PPP3CB: variants seen among roughly 807,000 people sequenced by gnomAD.
PPP3CB encodes the protein serine/threonine-protein phosphatase 2B catalytic subunit beta isoform.
PPP3CB carries 8 observed loss-of-function variants against 66.4 expected under a neutral mutation model. The ratio of observed to expected loss-of-function variants is 0.12; its 90% CI spans 0.07 to 0.22. The LOEUF is 0.22. PPP3CB is among the 10% of genes least tolerant of loss of function. PPP3CB has a pLI of 1.00. For missense variants in PPP3CB, 319 were observed against 642.5 expected, an observed-to-expected ratio of 0.50 and a Z score of 5.44; for synonymous variants, 208 against 221.2, an observed-to-expected ratio of 0.94 and a Z score of 0.53.
intron 12 of PPP3CB, 21 bp downstream of exon 12, chr10:73,444,704 C>G: frequency 4.3e-6 from 7 of 1,614,054 alleles, no homozygotes; most frequent in Non-Finnish European, 5.9e-6. Flanking sequence ...TGAGGCACAG[C>G]AAGTTGCATA....
intron 12 of PPP3CB, among the ~76,000 whole-genome samples, chr10:73,440,109 G>A (rs1308237117): frequency 6.6e-6 from 1 of 152,108 alleles, no homozygotes; most frequent in Non-Finnish European, 1.5e-5. Flanking sequence ...ACAGCACTAT[G>A]ACAACATCAC....
At chr10:73,443,334 G>A (rs926116935) in intron 12 of PPP3CB, among the ~76,000 whole-genome samples, 19 of 120,096 alleles carry the variant, frequency 1.6e-4, no homozygotes, top group Admixed American at 1.3e-3. Flanking sequence ...GAAAGAAAAA[G>A]AAAGAGAAGA....
chr10:73,464,501 A>AT (rs1266547534), intron 9 of PPP3CB, among the ~76,000 whole-genome samples: 5 of 152,242 alleles, frequency 3.3e-5, no homozygotes, highest in African/African-American at 9.6e-5. Context: ...AGGAGGGCCA[A>AT]TAAGTGTGAA....
intron 13 of PPP3CB, among the ~76,000 whole-genome samples, chr10:73,439,043 TAGA>T (rs1254142951): frequency 2.0e-5 from 3 of 152,256 alleles, no homozygotes; most frequent in African/African-American, 7.2e-5. Context: ...TCTCGTAATT[TAGA>T]AGATGTTCTC....
rs1269802278 is a variant in PPP3CB at position 73,436,656 on chromosome 10, A to G, written c.*1586T>C. The G allele has an allele frequency of 2.6e-5, 4 of 152,136 alleles. No homozygotes were observed. Among genetic ancestry groups the G allele is most frequent in the Non-Finnish European group, 4.4e-5 (3 of 68,030 alleles). 9.4% of individuals were successfully genotyped at this position (152,136 alleles called of 1,614,324 possible). A position where few individuals can be genotyped will look rare whatever the true frequency, so the allele number is the denominator to read the frequency against. On this transcript the variant is annotated 3_prime_UTR_variant, in exon 14 of 14. Coordinates refer to ENST00000360663, the MANE Select transcript of PPP3CB (RefSeq NM_021132.4). ...ATAACAAAAGTTTTTTTTAAGGCAAAATTTATAAAGAATTTAATTAATCAA... is the reference window on the plus strand; with the variant it reads ...ATAACAAAAGTTTTTTTTAAGGCAAGATTTATAAAGAATTTAATTAATCAA...
rs184146900 is a variant in PPP3CB at position 73,490,684 on chromosome 10, C to A, written c.85+5121G>T. 8.7e-3 allele frequency among the ~76,000 whole-genome samples: 1,325 copies of A among 152,234 alleles called. 13 individuals carry two copies. Among genetic ancestry groups the A allele is most frequent in the Non-Finnish European group, 0.016 (1,058 of 68,020 alleles). ...TTGCCTCACTACTAAGCTGTATTTCCAACTTGGCATTTTCCTTTTAAGGTA... is the reference window on the plus strand; with the variant it reads ...TTGCCTCACTACTAAGCTGTATTTCAAACTTGGCATTTTCCTTTTAAGGTA... On this transcript the variant is annotated intron_variant, in intron 1 of 13. Coordinates refer to ENST00000360663, the MANE Select transcript of PPP3CB (RefSeq NM_021132.4).
intron 1 of PPP3CB, among the ~76,000 whole-genome samples, chr10:73,490,834 ATTTATT>A (rs1222405407): frequency 6.6e-6 from 1 of 150,660 alleles, no homozygotes; most frequent in Non-Finnish European, 1.5e-5. Flanking sequence ...TATTTTATTT[ATTTATT>A]TTTATTTATT....
In PPP3CB at chr10:73,474,599, A is replaced by AT. The variant is rs879334120; in HGVS notation, c.523+319dup. 4.6e-3 allele frequency among the ~76,000 whole-genome samples: 656 copies of AT among 141,852 alleles called. 10 individuals are homozygous for AT. The highest frequency in any genetic ancestry group is 0.014 in the African/African-American group (528 of 38,752). The allele number at this position is 141,852 out of a possible 152,430, so 93.1% of individuals were successfully genotyped here. A position where few individuals can be genotyped will look rare whatever the true frequency, so the allele number is the denominator to read the frequency against. ...AAGAGTGTGCCGCCACACCCAGCTA[A>AT]TTTTTTTTTTTTGTATTTTTGGTGG... On this transcript the variant is annotated intron_variant, in intron 4 of 13. Transcript: ENST00000360663.
chr10:73,458,005 T>C lies in PPP3CB; in HGVS notation c.1109-3516A>G, dbSNP rs117642091. On this transcript the variant is annotated intron_variant, in intron 9 of 13. Transcript: ENST00000360663. ...GGTGGGAGAGGTGTGGAAGATGAAA[T>C]TACTTAATAAGTACAATGTATGCTA... is the stretch of plus-strand genomic sequence containing the variant. Among the ~76,000 whole-genome samples the C allele has an allele frequency of 3.6e-3, 554 of 152,214 alleles. 1 individual carries two copies. The highest frequency in any genetic ancestry group is 0.014 in the Middle Eastern group (4 of 294).
chr10:73,485,643 C>G (rs1437626630), intron 1 of PPP3CB, among the ~76,000 whole-genome samples: 1 of 152,178 alleles, frequency 6.6e-6, no homozygotes, highest in Non-Finnish European at 1.5e-5. Flanking sequence ...CATACAATTT[C>G]CTTCTTGCTG....
chr10:73,484,462 G>A (rs1347218434), intron 1 of PPP3CB, among the ~76,000 whole-genome samples: 1 of 151,680 alleles, frequency 6.6e-6, no homozygotes, highest in Non-Finnish European at 1.5e-5. Context: ...TAGTAGAGAT[G>A]GGGTTTCACA....
chr10:73,485,001 C>T (rs370014599), intron 1 of PPP3CB, among the ~76,000 whole-genome samples: 4 of 151,382 alleles, frequency 2.6e-5, no homozygotes, highest in African/African-American at 4.9e-5. Context: ...TGCAGTGAGC[C>T]GAGATCACAC....
At chr10:73,467,517 A>G in intron 9 of PPP3CB, 36 bp downstream of exon 9, 1 of 1,427,780 alleles carries the variant, frequency 7.0e-7, no homozygotes, top group Non-Finnish European at 9.3e-7. Context: ...ATGTAACAGT[A>G]ATAAAACAAA....
At chr10:73,486,397 C>T (rs2056979419) in intron 1 of PPP3CB, among the ~76,000 whole-genome samples, 1 of 150,974 alleles carries the variant, frequency 6.6e-6, no homozygotes, top group African/African-American at 2.4e-5. Context: ...CGTCTGCCTC[C>T]CAGGTTCAAG....
At chr10:73,460,151 A>C (rs1196273100) in intron 9 of PPP3CB, among the ~76,000 whole-genome samples, 1 of 151,954 alleles carries the variant, frequency 6.6e-6, no homozygotes, top group East Asian at 1.9e-4. Context: ...TTGACAGGTT[A>C]AGGTTTATCT....
intron 11 of PPP3CB, among the ~76,000 whole-genome samples, chr10:73,445,810 G>A (rs905518032): frequency 4.7e-4 from 70 of 147,754 alleles, no homozygotes; most frequent in Admixed American, 3.2e-3. Context: ...GTGCAGTGGC[G>A]TCATCTCAGA....
chr10:73,478,511 A>G lies in PPP3CB; in HGVS notation c.399T>C (p.Tyr133=). The G allele has an allele frequency of 2.5e-6, 4 of 1,608,296 alleles. No homozygotes were observed. The highest frequency in any genetic ancestry group is 3.4e-6 in the Non-Finnish European group (4 of 1,175,026). Residue 133 remains tyrosine, a synonymous_variant, in exon 3 of 14, where the codon TAT becomes TAC. Coordinates refer to ENST00000360663, the MANE Select transcript of PPP3CB (RefSeq NM_021132.4). ...TTATGATTATTACCTCTATACTAAA[A>G]TAACCTCTGTCCACATAATCGCCAA... is the stretch of plus-strand genomic sequence containing the variant. The part of the protein sequence containing the change: ...LFLGDYVDRG[Y]FSIECVLYLW...
intron 1 of PPP3CB, among the ~76,000 whole-genome samples, chr10:73,482,258 G>C (rs996170671): frequency 1.3e-5 from 2 of 150,398 alleles, no homozygotes; most frequent in Non-Finnish European, 1.5e-5. Flanking sequence ...AAAATGCTAC[G>C]TACTGGCTGG....
intron 1 of PPP3CB, among the ~76,000 whole-genome samples, chr10:73,487,101 C>G (rs1285218692): frequency 2.0e-5 from 3 of 152,156 alleles, no homozygotes; most frequent in Non-Finnish European, 4.4e-5. Context: ...ACCTTGGAAG[C>G]AGAGGTTGTA....
Sources: allele counts gnomAD v4.1 joint callset (sites outside exome capture counted in the v4.1 genomes callset), GRCh38; gene constraint gnomAD v4.1.1; transcripts MANE v1.5; gene names NCBI Gene and HGNC (gene_info 2026-07-23, HGNC 2026-07-21).